Variants in SCHIP1 observed in about 807,000 individuals in gnomAD.
SCHIP1 encodes the protein schwannomin-interacting protein 1.
In SCHIP1, 8 loss-of-function variants were observed where a neutral mutation model predicts 29.7. That is an observed-to-expected ratio of 0.27 (90% CI 0.16 to 0.49). SCHIP1 has a LOEUF of 0.49. SCHIP1 is among the 20% of genes least tolerant of loss of function. The pLI, the probability that SCHIP1 is intolerant of heterozygous loss-of-function variation, is 0.99. For synonymous variants in SCHIP1, 76 were observed against 94.9 expected, an observed-to-expected ratio of 0.80 and a Z score of 1.16; for missense variants, 193 against 294.6, an observed-to-expected ratio of 0.66 and a Z score of 2.52.
At chr3:159,667,020 G>A in the SCHIP1 span, among the ~76,000 whole-genome samples, 1 of 152,236 alleles carries the variant, frequency 6.6e-6, no homozygotes, top group African/African-American at 2.4e-5. Context: ...ATCTGCCTGT[G>A]AGAGTGCATG....
At chr3:159,563,500 T>C in the SCHIP1 span, among the ~76,000 whole-genome samples, 2 of 152,110 alleles carry the variant, frequency 1.3e-5, no homozygotes, top group African/African-American at 4.8e-5. Flanking sequence ...ACAGGTAATA[T>C]ATGCTACATA....
the SCHIP1 span, among the ~76,000 whole-genome samples, chr3:159,717,180 C>T: frequency 6.6e-6 from 1 of 152,194 alleles, no homozygotes; most frequent in Admixed American, 6.5e-5. Context: ...TCTTTGAAAC[C>T]AATGATAACA....
At chr3:159,359,712 A>G in the SCHIP1 span, among the ~76,000 whole-genome samples, 182 of 152,372 alleles carry the variant, frequency 1.2e-3, 1 homozygote, top group African/African-American at 4.2e-3. Context: ...CTTATGCTTC[A>G]AACCAATAAT....
chr3:159,387,416 G>T, the SCHIP1 span: 3 of 330,868 alleles, frequency 9.1e-6, no homozygotes, highest in East Asian at 1.0e-4. Flanking sequence ...TGGTGACTGG[G>T]AGCCACTCAC....
the SCHIP1 span, among the ~76,000 whole-genome samples, chr3:159,575,069 G>A: frequency 6.6e-6 from 1 of 152,208 alleles, no homozygotes; most frequent in African/African-American, 2.4e-5. Context: ...AGGGTGAGGT[G>A]ATGCCCCGCC....
At chr3:159,824,093 A>G in the SCHIP1 span, among the ~76,000 whole-genome samples, 1 of 152,204 alleles carries the variant, frequency 6.6e-6, no homozygotes, top group Non-Finnish European at 1.5e-5. Context: ...CCAACCTTTA[A>G]TCTTATTTTT....
At chr3:159,705,120 C>T in the SCHIP1 span, among the ~76,000 whole-genome samples, 2 of 151,888 alleles carry the variant, frequency 1.3e-5, no homozygotes, top group African/African-American at 2.4e-5. Context: ...TGTGCCACCA[C>T]GCCCGGCTAA....
At chr3:159,557,173 G>A in the SCHIP1 span, among the ~76,000 whole-genome samples, 4 of 151,642 alleles carry the variant, frequency 2.6e-5, no homozygotes, top group Non-Finnish European at 4.4e-5. Flanking sequence ...TAGCCAGGAT[G>A]GTCTCGATCT....
the SCHIP1 span, among the ~76,000 whole-genome samples, chr3:159,720,193 A>G: frequency 1.6e-5 from 2 of 127,746 alleles, no homozygotes; most frequent in Non-Finnish European, 3.1e-5. Flanking sequence ...ACTCTTGGAC[A>G]CAGGGTGGGG....
At chr3:159,607,908 A>G in the SCHIP1 span, among the ~76,000 whole-genome samples, 3 of 152,220 alleles carry the variant, frequency 2.0e-5, no homozygotes, top group African/African-American at 7.2e-5. Flanking sequence ...GCTGAGTGCC[A>G]CTTGTGGCTT....
intron 1 of SCHIP1, among the ~76,000 whole-genome samples, chr3:159,850,698 C>T (rs932831517): frequency 1.3e-5 from 2 of 152,112 alleles, no homozygotes; most frequent in African/African-American, 4.8e-5. Context: ...AAAGGGGAAG[C>T]AGGCACATCT....
chr3:159,600,319 G>C, the SCHIP1 span, among the ~76,000 whole-genome samples: 3 of 152,048 alleles, frequency 2.0e-5, no homozygotes, highest in Admixed American at 1.3e-4. Context: ...CTGTTTTCAG[G>C]GATACTGATA....
At chr3:159,467,962 G>A in the SCHIP1 span, among the ~76,000 whole-genome samples, 2 of 151,992 alleles carry the variant, frequency 1.3e-5, no homozygotes, top group Non-Finnish European at 2.9e-5. Context: ...TTAATCATGG[G>A]TTGTCTTGTT....
At chr3:159,665,546 TTGTG>T in the SCHIP1 span, among the ~76,000 whole-genome samples, 1,804 of 147,528 alleles carry the variant, frequency 0.012, 44 homozygotes, top group African/African-American at 0.042. Flanking sequence ...GTTTTTGGGG[TTGTG>T]TGTGTGTGTG....
chr3:159,396,796 G>C, the SCHIP1 span, among the ~76,000 whole-genome samples: 1 of 151,736 alleles, frequency 6.6e-6, no homozygotes, highest in Non-Finnish European at 1.5e-5. Context: ...ACAATTATGT[G>C]TCCTGGAGTT....
chr3:159,353,521 G>A, the SCHIP1 span, among the ~76,000 whole-genome samples: 2 of 151,942 alleles, frequency 1.3e-5, no homozygotes, highest in South Asian at 4.2e-4. Context: ...ATACCACAAG[G>A]CATGAAAAAA....
At chr3:159,757,886 C>A in the SCHIP1 span, among the ~76,000 whole-genome samples, 1 of 152,150 alleles carries the variant, frequency 6.6e-6, no homozygotes, top group East Asian at 1.9e-4. Flanking sequence ...CAAGACATGA[C>A]CAAAACAGTT....
chr3:159,346,836 A>T, the SCHIP1 span, among the ~76,000 whole-genome samples: 1 of 152,202 alleles, frequency 6.6e-6, no homozygotes, highest in Non-Finnish European at 1.5e-5. Flanking sequence ...CAAAAAGGAA[A>T]TAGACTAGTG....
At chr3:159,896,648 T>C (rs1718095826) in intron 6 of SCHIP1, 75 bp from the exon 8 acceptor site, 25 of 1,427,870 alleles carry the variant, frequency 1.8e-5, no homozygotes, top group Non-Finnish European at 2.3e-5. Context: ...GTTTGCAGGA[T>C]GCTGTAGCTA....
Sources: gnomAD v4.1 joint callset for allele counts (sites outside exome capture counted in the v4.1 genomes callset) on GRCh38, gnomAD v4.1.1 for gene constraint, MANE v1.5 for transcripts, NCBI Gene and HGNC (gene_info 2026-07-23, HGNC 2026-07-21) for gene names.